Variants in NRXN3 observed in about 807,000 individuals in gnomAD.
The protein encoded by NRXN3 is neurexin III.
A neutral mutation model predicts 137.6 loss-of-function variants in NRXN3; 32 were observed. That is an observed-to-expected ratio of 0.23 (90% CI 0.18 to 0.31). NRXN3 has a LOEUF of 0.31. Among genes scored for constraint, NRXN3 ranks in the 10% least tolerant of loss-of-function variants. The pLI is 1.00. For synonymous variants in NRXN3, 798 were observed against 784.5 expected (o/e 1.02, Z -0.29); for missense variants, 1,574 against 2,062.5 (o/e 0.76, Z 4.59).
intron 15 of NRXN3, among the ~76,000 whole-genome samples, chr14:79,206,022 A>C (rs2066732742): frequency 6.6e-6 from 1 of 152,174 alleles, no homozygotes; most frequent in Admixed American, 6.5e-5. Context: ...CTGGAAGAAC[A>C]TGCATGGAGG....
At chr14:79,751,163 G>C (rs1056175537) in intron 19 of NRXN3, among the ~76,000 whole-genome samples, 2 of 152,136 alleles carry the variant, frequency 1.3e-5, no homozygotes, top group African/African-American at 4.8e-5. Context: ...ACCTTGGGCA[G>C]TGTGGCCATT....
chr14:79,583,350 G>A (rs529477976), intron 16 of NRXN3, among the ~76,000 whole-genome samples: 24 of 152,268 alleles, frequency 1.6e-4, no homozygotes, highest in Non-Finnish European at 2.4e-4. Context: ...AGCTTCTAGT[G>A]TCTTAACATT....
At chr14:78,857,792 T>C (rs2099061567) in intron 10 of NRXN3, among the ~76,000 whole-genome samples, 1 of 152,096 alleles carries the variant, frequency 6.6e-6, no homozygotes, top group Non-Finnish European at 1.5e-5. Context: ...CTTCAACATA[T>C]GATTAATTAG....
intron 16 of NRXN3, among the ~76,000 whole-genome samples, chr14:79,484,097 T>C (rs982761936): frequency 6.6e-6 from 1 of 152,142 alleles, no homozygotes; most frequent in African/African-American, 2.4e-5. Context: ...ACGAACCGGA[T>C]CAGTACATGG....
At chr14:78,348,229 T>A (rs2083004923) in intron 4 of NRXN3, among the ~76,000 whole-genome samples, 1 of 152,174 alleles carries the variant, frequency 6.6e-6, no homozygotes, top group Non-Finnish European at 1.5e-5. Flanking sequence ...AGCCTACACC[T>A]ATGCATTCAG....
chr14:78,534,717 G>A (rs2096515210), intron 4 of NRXN3, among the ~76,000 whole-genome samples: 1 of 152,140 alleles, frequency 6.6e-6, no homozygotes, highest in Non-Finnish European at 1.5e-5. Context: ...GTGCCACAGT[G>A]CCATTCAACA....
At chr14:79,487,119 C>G (rs1229583081) in intron 16 of NRXN3, among the ~76,000 whole-genome samples, 1 of 152,134 alleles carries the variant, frequency 6.6e-6, no homozygotes, top group African/African-American at 2.4e-5. Context: ...ATCTATGACT[C>G]AGTTTCCTCA....
At chr14:78,871,449 C>T (rs2099101118) in intron 10 of NRXN3, among the ~76,000 whole-genome samples, 1 of 152,046 alleles carries the variant, frequency 6.6e-6, no homozygotes, top group African/African-American at 2.4e-5. Context: ...CTTTCCTATT[C>T]AAGTGAGTTT....
intron 4 of NRXN3, among the ~76,000 whole-genome samples, chr14:78,301,178 C>CT (rs149679784): frequency 1.3e-5 from 2 of 151,730 alleles, no homozygotes; most frequent in African/African-American, 2.4e-5. Context: ...ATTTATTTCT[C>CT]TTTTTTTCCT....
At chr14:78,482,202 T>C (rs533852286) in intron 4 of NRXN3, among the ~76,000 whole-genome samples, 118 of 152,340 alleles carry the variant, frequency 7.7e-4, no homozygotes, top group Non-Finnish European at 1.4e-3. Context: ...TATACTCTTG[T>C]CAACTGATAT....
intron 4 of NRXN3, among the ~76,000 whole-genome samples, chr14:78,557,075 G>A (rs543709172): frequency 4.8e-5 from 7 of 146,230 alleles, no homozygotes; most frequent in African/African-American, 1.5e-4. Context: ...TTCTGAGACC[G>A]GGACTTGCTC....
chr14:79,661,394 TA>T (rs2098532829), intron 16 of NRXN3, among the ~76,000 whole-genome samples: 2 of 152,302 alleles, frequency 1.3e-5, no homozygotes, highest in African/African-American at 4.8e-5. Context: ...TTGATCATTC[TA>T]TATTCCTCGC....
At chr14:79,141,303 T>C (rs1036237624) in intron 15 of NRXN3, among the ~76,000 whole-genome samples, 28 of 152,212 alleles carry the variant, frequency 1.8e-4, no homozygotes, top group African/African-American at 6.0e-4. Flanking sequence ...CTTTCCTTCT[T>C]TTCTATGAAG....
chr14:79,861,815 A>T lies in NRXN3; in HGVS notation c.4567A>T (p.Arg1523Trp), dbSNP rs1246665443. 6.2e-7 allele frequency: 1 copy of T among 1,614,024 alleles called. No homozygotes were observed. The highest frequency in any genetic ancestry group is 8.5e-7 in the Non-Finnish European group (1 of 1,180,040). Residue 1523 changes from arginine (R) to tryptophan (W), a missense_variant, in exon 21 of 21, where the codon AGG becomes TGG. Physicochemically the swap from Arg to Trp is moderately radical, Grantham distance 101 (BLOSUM62 -3). This residue lies in a region of NRXN3 where 320 missense variants were observed against 387.1 expected (regional missense o/e 0.83). Transcript: ENST00000335750. The surrounding 1 kb of genome is among the most constrained non-coding windows in gnomAD (Gnocchi z 5.4). ...LLYAMYKYRNRDEGSYQVDET... is the reference protein window; with the variant it reads ...LLYAMYKYRNWDEGSYQVDET... ...GTACGCCATGTACAAGTACAGGAAC[A>T]GGGACGAGGGGTCCTATCAAGTGGA... is the stretch of plus-strand genomic sequence containing the variant.
intron 15 of NRXN3, among the ~76,000 whole-genome samples, chr14:79,104,872 A>C (rs1005437155): frequency 6.6e-6 from 1 of 151,784 alleles, no homozygotes; most frequent in Non-Finnish European, 1.5e-5. Context: ...GCTATATCCA[A>C]CATTTCAAAG....
chr14:79,395,002 G>T (rs1380067774), intron 15 of NRXN3, among the ~76,000 whole-genome samples: 2 of 152,200 alleles, frequency 1.3e-5, no homozygotes, highest in African/African-American at 4.8e-5. Flanking sequence ...ACTTGTTCCT[G>T]TTATTTAGTG....
At chr14:78,878,462 A>C (rs1031494116) in intron 10 of NRXN3, among the ~76,000 whole-genome samples, 1 of 152,156 alleles carries the variant, frequency 6.6e-6, no homozygotes, top group Non-Finnish European at 1.5e-5. Flanking sequence ...TTTCTCAGTA[A>C]CTGTTTTGTG....
intron 19 of NRXN3, among the ~76,000 whole-genome samples, chr14:79,772,976 C>T (rs1357460461): frequency 1.3e-5 from 2 of 152,092 alleles, no homozygotes; most frequent in Non-Finnish European, 2.9e-5. Flanking sequence ...AGGATATGAA[C>T]AGACACTTCT....
chr14:78,598,174 T>A (rs962381517), intron 4 of NRXN3, among the ~76,000 whole-genome samples: 5 of 152,192 alleles, frequency 3.3e-5, no homozygotes, highest in Admixed American at 6.5e-5. Flanking sequence ...TACTCTTCTT[T>A]CAGGTGATGG....
Sources: allele counts gnomAD v4.1 joint callset (sites outside exome capture counted in the v4.1 genomes callset), GRCh38; gene constraint gnomAD v4.1.1; regional missense constraint gnomAD v4.1.1; non-coding constraint Gnocchi (gnomAD v3.1); transcripts MANE v1.5; gene names NCBI Gene and HGNC (gene_info 2026-07-23, HGNC 2026-07-21).